The following ZHX3 variants were observed in gnomAD, a reference collection of about 807,000 sequenced individuals.
ZHX3 encodes zinc fingers and homeoboxes 3, also known as zinc fingers and homeoboxes protein 3.
A neutral mutation model predicts 64.5 loss-of-function variants in ZHX3; 20 were observed. The observed-to-expected ratio is 0.31, with a 90% CI of 0.22 to 0.45. The LOEUF (loss-of-function observed/expected upper bound fraction) is 0.45. ZHX3 is among the 20% of genes least tolerant of loss of function. ZHX3 has a pLI of 1.00. For synonymous variants in ZHX3, 423 were observed against 461.6 expected (o/e 0.92, Z 1.07); for missense variants, 1,041 against 1,195.8 (o/e 0.87, Z 1.91).
intron 2 of ZHX3, among the ~76,000 whole-genome samples, chr20:41,233,070 C>G (rs2040732500): frequency 6.6e-6 from 1 of 152,342 alleles, no homozygotes; most frequent in Middle Eastern, 3.4e-3. Flanking sequence ...CACAAGCAAC[C>G]TCAACTTCTG....
At chr20:41,316,513 T>C (rs990162018) in intron 1 of ZHX3, among the ~76,000 whole-genome samples, 2 of 152,226 alleles carry the variant, frequency 1.3e-5, no homozygotes, top group African/African-American at 4.8e-5. Flanking sequence ...CGTGTATAAA[T>C]GGAAACTACT....
rs189833379 is a variant in ZHX3, at chr20:41,295,034, A to T, written c.-245+22475T>A. ...TATTTTAAGTAAAAACTCTGTATTA[A>T]TGACTTATTTCAATTGTACTCTTCT... On this transcript the variant is annotated intron_variant, in intron 1 of 3. Coordinates refer to ENST00000683867, the MANE Select transcript of ZHX3 (RefSeq NM_001384317.1). Among the ~76,000 whole-genome samples the T allele has an allele frequency of 2.0e-5, 3 of 152,314 alleles. No individual in the cohort carries two copies. The East Asian group carries it at 5.8e-4, about 29-fold the overall frequency.
At chr20:41,280,051 C>T (rs182723914) in intron 1 of ZHX3, among the ~76,000 whole-genome samples, 24 of 152,270 alleles carry the variant, frequency 1.6e-4, no homozygotes, top group African/African-American at 5.8e-4. Flanking sequence ...CACACAGGCG[C>T]TGGGACTACA....
At chr20:41,296,092 T>C (rs761129702) in intron 1 of ZHX3, among the ~76,000 whole-genome samples, 5 of 152,072 alleles carry the variant, frequency 3.3e-5, no homozygotes, top group African/African-American at 9.7e-5. Context: ...GTTCAGCAAC[T>C]GCCCATGAAC....
At chr20:41,273,026 A>T (rs1254275023) in intron 1 of ZHX3, among the ~76,000 whole-genome samples, 2 of 150,386 alleles carry the variant, frequency 1.3e-5, no homozygotes, top group African/African-American at 5.0e-5. Flanking sequence ...CCACATTCTC[A>T]TCAATGCTTG....
intron 2 of ZHX3, among the ~76,000 whole-genome samples, chr20:41,225,592 A>G (rs1400717900): frequency 6.6e-6 from 1 of 152,136 alleles, no homozygotes; most frequent in Admixed American, 6.5e-5. Context: ...GGTTCAAGCG[A>G]TTCTCCTACC....
chr20:41,240,072 C>G (rs1420125724), intron 2 of ZHX3, among the ~76,000 whole-genome samples: 1 of 152,128 alleles, frequency 6.6e-6, no homozygotes, highest in Non-Finnish European at 1.5e-5. Context: ...TCTTGGCTCA[C>G]TGCAACCTCT....
At chr20:41,248,347 T>C (rs1040079330) in intron 2 of ZHX3, among the ~76,000 whole-genome samples, 1 of 152,132 alleles carries the variant, frequency 6.6e-6, no homozygotes, top group African/African-American at 2.4e-5. Flanking sequence ...TCACTGACCA[T>C]TATTAATGTC....
At chr20:41,310,396 AGAT>A (rs1187577297) in intron 1 of ZHX3, among the ~76,000 whole-genome samples, 1 of 152,148 alleles carries the variant, frequency 6.6e-6, no homozygotes, top group Non-Finnish European at 1.5e-5. Context: ...TATTTCACAG[AGAT>A]GATAACCACC....
At chr20:41,249,474 G>C (rs929914383) in intron 2 of ZHX3, among the ~76,000 whole-genome samples, 1 of 152,186 alleles carries the variant, frequency 6.6e-6, no homozygotes, top group South Asian at 2.1e-4. Context: ...AAGCAGACAC[G>C]AAGAACTGAC....
chr20:41,272,619 A>C (rs753200540), intron 1 of ZHX3, among the ~76,000 whole-genome samples: 1 of 152,196 alleles, frequency 6.6e-6, no homozygotes, highest in African/African-American at 2.4e-5. Flanking sequence ...CTAAAAATGC[A>C]ATCAAACAAT....
At chr20:41,240,955 T>C (rs2041342128) in intron 2 of ZHX3, among the ~76,000 whole-genome samples, 2 of 152,254 alleles carry the variant, frequency 1.3e-5, no homozygotes, top group South Asian at 2.1e-4. Context: ...TTGGCTATTG[T>C]GAATAGTGCT....
At chr20:41,290,071 G>C (rs1600642049) in intron 1 of ZHX3, among the ~76,000 whole-genome samples, 1 of 152,314 alleles carries the variant, frequency 6.6e-6, no homozygotes. Context: ...TGCTTAGTCT[G>C]TAGTCACTAC....
intron 1 of ZHX3, among the ~76,000 whole-genome samples, chr20:41,302,025 G>T (rs1185971653): frequency 2.3e-5 from 3 of 132,472 alleles, no homozygotes; most frequent in Non-Finnish European, 4.6e-5. Flanking sequence ...CTGCACTCCA[G>T]CCTGGGCGAC....
chr20:41,296,463 T>C (rs1476280195), intron 1 of ZHX3, among the ~76,000 whole-genome samples: 3 of 152,178 alleles, frequency 2.0e-5, no homozygotes, highest in African/African-American at 7.2e-5. Context: ...ATCTATAACA[T>C]GGAAATAATA....
intron 2 of ZHX3, among the ~76,000 whole-genome samples, chr20:41,206,667 G>A (rs1241215263): frequency 5.3e-5 from 8 of 152,302 alleles, no homozygotes; most frequent in East Asian, 1.9e-4. Flanking sequence ...ACAAATCTAC[G>A]TCTGATTGGT....
chr20:41,232,690 C>T lies in ZHX3; in HGVS notation c.-150-27624G>A, dbSNP rs191306286. On this transcript the variant is annotated intron_variant, in intron 2 of 3. Coordinates refer to ENST00000683867, the MANE Select transcript of ZHX3 (RefSeq NM_001384317.1). This position sits in a 1 kb window ranked among gnomAD's most constrained non-coding sequence, Gnocchi z 5.0. ...TTGCAAGCTCCGCCTCCCGGGTTCACGCCATTCTCCTGCCTCAGCCTCCCG... is the reference window on the plus strand; with the variant it reads ...TTGCAAGCTCCGCCTCCCGGGTTCATGCCATTCTCCTGCCTCAGCCTCCCG... Among the ~76,000 whole-genome samples the T allele has an allele frequency of 4.0e-3, 612 of 152,110 alleles. 3 individuals carry two copies. In the Middle Eastern group the frequency reaches 0.044, roughly 11 times the overall value.
At chr20:41,279,416 T>G in intron 1 of ZHX3, among the ~76,000 whole-genome samples, 1 of 148,076 alleles carries the variant, frequency 6.8e-6, no homozygotes, top group African/African-American at 2.5e-5. Flanking sequence ...TTTAAATGCA[T>G]TTTTTTTTTA....
At chr20:41,302,141 ACTT>A (rs2044843084) in intron 1 of ZHX3, among the ~76,000 whole-genome samples, 1 of 150,496 alleles carries the variant, frequency 6.6e-6, no homozygotes, top group Non-Finnish European at 1.5e-5. Context: ...CCTCAAATCA[ACTT>A]CTTCAGAGCC....
Sources: gnomAD v4.1 joint callset for allele counts (sites outside exome capture counted in the v4.1 genomes callset) on GRCh38, gnomAD v4.1.1 for gene constraint, Gnocchi (gnomAD v3.1) non-coding constraint, MANE v1.5 for transcripts, NCBI Gene and HGNC (gene_info 2026-07-23, HGNC 2026-07-21) for gene names.